BMPR1A: variants seen among roughly 807,000 people sequenced by gnomAD.
BMPR1A encodes the protein bone morphogenetic protein receptor type-1A.
In BMPR1A, 7 loss-of-function variants were observed where a neutral mutation model predicts 66.0. That is an observed-to-expected ratio of 0.11 (90% CI 0.06 to 0.20). The LOEUF (loss-of-function observed/expected upper bound fraction) is 0.20, where lower values mean the gene tolerates loss of function less well. Among genes scored for constraint, BMPR1A ranks in the 10% least tolerant of loss-of-function variants. BMPR1A has a pLI of 1.00. For synonymous variants in BMPR1A, 200 were observed against 229.7 expected (o/e 0.87, Z 1.17); for missense variants, 408 against 669.1 (o/e 0.61, Z 4.31).
At chr10:86,763,468 T>C (rs1222178421) in intron 1 of BMPR1A, among the ~76,000 whole-genome samples, 2 of 152,178 alleles carry the variant, frequency 1.3e-5, no homozygotes, top group Admixed American at 1.3e-4. Context: ...ATTTTTCTGC[T>C]TAAAAAAAGA....
At chr10:86,859,685 C>G (rs1842687899) in intron 2 of BMPR1A, among the ~76,000 whole-genome samples, 1 of 152,166 alleles carries the variant, frequency 6.6e-6, no homozygotes, top group Non-Finnish European at 1.5e-5. Context: ...TGGCATGCGC[C>G]TGTAGTCCCA....
chr10:86,789,338 C>T lies in BMPR1A; in HGVS notation c.-268+32419C>T, dbSNP rs12248878. On this transcript the variant is annotated intron_variant, in intron 1 of 12. Transcript: ENST00000372037. ...ACCTGTGTGCATAAAAGGACGCTGTCGAGTGAGAAAACAAGCCATAGAATG... is the reference window on the plus strand; with the variant it reads ...ACCTGTGTGCATAAAAGGACGCTGTTGAGTGAGAAAACAAGCCATAGAATG... Among the ~76,000 whole-genome samples, 10 of 152,174 alleles carry T rather than the reference C, an allele frequency of 6.6e-5. No homozygotes were observed. In the East Asian group the frequency reaches 1.2e-3, roughly 18 times the overall value.
intron 1 of BMPR1A, among the ~76,000 whole-genome samples, chr10:86,832,214 TC>T (rs1431211506): frequency 6.6e-6 from 1 of 152,154 alleles, no homozygotes; most frequent in Non-Finnish European, 1.5e-5. Flanking sequence ...ATACCTGTAA[TC>T]CCAGCACTCT....
intron 2 of BMPR1A, among the ~76,000 whole-genome samples, chr10:86,869,038 A>T (rs768249599): frequency 1.3e-5 from 2 of 152,214 alleles, no homozygotes; most frequent in Non-Finnish European, 2.9e-5. Context: ...AGCATGTCAA[A>T]TATCTGCATC....
rs568528755 is a variant in BMPR1A at position 86,917,098 on chromosome 10, A to G, written c.676-36A>G. On this transcript the variant is annotated intron_variant, in intron 8 of 12. Transcript: ENST00000372037. ...TTGCCAGTCTTAATGGGTTTCTTTC[A>G]TCAAGAGCTCAAACCTTTTACTTTT... is the stretch of plus-strand genomic sequence containing the variant. The G allele has an allele frequency of 2.2e-5, 35 of 1,609,400 alleles. No individual in the cohort carries two copies. In the South Asian group the frequency reaches 3.6e-4, roughly 17 times the overall value.
intron 2 of BMPR1A, among the ~76,000 whole-genome samples, chr10:86,863,206 C>T (rs944158319): frequency 3.3e-5 from 5 of 151,976 alleles, no homozygotes; most frequent in Non-Finnish European, 5.9e-5. Context: ...TTGAACTCCC[C>T]GCCTCAAGTG....
In BMPR1A at chr10:86,805,406, T is replaced by A. The variant is rs551209256; in HGVS notation, c.-267-33459T>A. 5.8e-5 allele frequency among the ~76,000 whole-genome samples: 5 copies of A among 86,718 alleles called. No homozygotes were observed. In the East Asian group the frequency reaches 2.0e-3, roughly 35 times the overall value. 56.9% of individuals were successfully genotyped at this position (86,718 alleles called of 152,430 possible). A position where few individuals can be genotyped will look rare whatever the true frequency, so the allele number is the denominator to read the frequency against. ...CACACACACACACACACACACACACTTTTAAGAGTGAGGTTGTATATATTA... is the reference window on the plus strand; with the variant it reads ...CACACACACACACACACACACACACATTTAAGAGTGAGGTTGTATATATTA... On this transcript the variant is annotated intron_variant, in intron 1 of 12. Coordinates refer to ENST00000372037, the MANE Select transcript of BMPR1A (RefSeq NM_004329.3).
At chr10:86,780,594 C>G (rs1053963755) in intron 1 of BMPR1A, among the ~76,000 whole-genome samples, 2 of 152,052 alleles carry the variant, frequency 1.3e-5, no homozygotes, top group Non-Finnish European at 2.9e-5. Context: ...ACCACCACGC[C>G]CGGCTAATTT....
At chr10:86,818,340 T>A (rs1842067449) in intron 1 of BMPR1A, among the ~76,000 whole-genome samples, 1 of 152,204 alleles carries the variant, frequency 6.6e-6, no homozygotes, top group South Asian at 2.1e-4. Context: ...AGGGAGCAGA[T>A]GAAGAGGTCT....
intron 1 of BMPR1A, among the ~76,000 whole-genome samples, chr10:86,776,638 C>T (rs1841352117): frequency 6.6e-6 from 1 of 152,188 alleles, no homozygotes; most frequent in African/African-American, 2.4e-5. Context: ...CCAGATCACT[C>T]TCCCTCCCAC....
At chr10:86,931,266 T>A (rs71503855), downstream of BMPR1A, 68,862 of 92,600 alleles carry the variant, frequency 0.74, 23,887 homozygotes, top group Admixed American at 0.78. Flanking sequence ...GAAAAAAAAA[T>A]ATATATATAT....
chr10:86,857,751 C>CAAAA (rs1207331757), intron 2 of BMPR1A, among the ~76,000 whole-genome samples: 1 of 87,068 alleles, frequency 1.1e-5, no homozygotes, highest in East Asian at 3.3e-4. Context: ...TCTAGTGATC[C>CAAAA]AAAAAAAAAA....
intron 5 of BMPR1A, among the ~76,000 whole-genome samples, chr10:86,895,449 A>T (rs749129433): frequency 6.6e-6 from 1 of 151,958 alleles, no homozygotes; most frequent in African/African-American, 2.4e-5. Flanking sequence ...GAGACAGGAG[A>T]ATTGCTTGAA....
Position 86,853,666 on chromosome 10 carries a change from C to T in BMPR1A, c.-153+14687C>T, listed in dbSNP as rs192517919. Among the ~76,000 whole-genome samples the T allele has an allele frequency of 5.4e-3, 820 of 152,154 alleles. 22 individuals are homozygous for T. The highest frequency in any genetic ancestry group is 3.4e-3 in the Middle Eastern group (1 of 294). Reference sequence around the variant, plus strand: ...GAGAGAAATTTTAAAGCTGGGCGTCCGGGGGAGACATCACATGTCGGTAGA... The same window carrying T: ...GAGAGAAATTTTAAAGCTGGGCGTCTGGGGGAGACATCACATGTCGGTAGA... On this transcript the variant is annotated intron_variant, in intron 2 of 12. Transcript: ENST00000372037.
downstream of BMPR1A, chr10:86,932,813 G>A (rs1400033851): frequency 6.6e-6 from 1 of 152,206 alleles, no homozygotes; most frequent in Non-Finnish European, 1.5e-5. Flanking sequence ...CACTGCTTCT[G>A]AAATAAAATC....
In BMPR1A at chr10:86,899,715, T is replaced by G. The variant is rs1843277906; in HGVS notation, c.334-79T>G. ...CCCTTTCACTCACTGAAATAGAAAT[T>G]GTATTTTATGAATACTAAAAAGACA... On this transcript the variant is annotated intron_variant, in intron 5 of 12. Transcript: ENST00000372037. 24 of 1,405,424 alleles carry G rather than the reference T, an allele frequency of 1.7e-5. No homozygotes were observed. The South Asian group carries it at 2.8e-4, about 16-fold the overall frequency. The allele number at this position is 1,405,424 out of a possible 1,614,324, so 87.1% of individuals were successfully genotyped here.
At chr10:86,871,699 A>C (rs1842857241) in intron 2 of BMPR1A, among the ~76,000 whole-genome samples, 1 of 151,778 alleles carries the variant, frequency 6.6e-6, no homozygotes, top group Admixed American at 6.6e-5. Flanking sequence ...GGTCCCAGCT[A>C]CTCAGGAGGC....
intron 2 of BMPR1A, among the ~76,000 whole-genome samples, chr10:86,841,740 C>A (rs1373639433): frequency 6.6e-6 from 1 of 152,160 alleles, no homozygotes; most frequent in African/African-American, 2.4e-5. Context: ...AAGACTAAGG[C>A]AGGATTAGAG....
intron 1 of BMPR1A, among the ~76,000 whole-genome samples, chr10:86,823,417 G>A (rs1476326422): frequency 2.6e-5 from 4 of 152,180 alleles, no homozygotes; most frequent in Non-Finnish European, 2.9e-5. Context: ...TTGGTCAAAG[G>A]ATTACAACAG....
Sources: allele counts gnomAD v4.1 joint callset (sites outside exome capture counted in the v4.1 genomes callset), GRCh38; gene constraint gnomAD v4.1.1; transcripts MANE v1.5; gene names NCBI Gene and HGNC (gene_info 2026-07-23, HGNC 2026-07-21).